SEZ6L: variants seen among roughly 807,000 people sequenced by gnomAD.
The protein encoded by SEZ6L is seizure related 6 homolog like.
In SEZ6L, 37 loss-of-function variants were observed where a neutral mutation model predicts 106.2. The observed-to-expected ratio is 0.35, with a 90% CI of 0.27 to 0.46. The LOEUF (loss-of-function observed/expected upper bound fraction) is 0.46. Among genes scored for constraint, SEZ6L ranks in the 20% least tolerant of loss-of-function variants. The pLI is 1.00. For synonymous variants in SEZ6L, 541 were observed against 570.4 expected (o/e 0.95, Z 0.73); for missense variants, 1,172 against 1,332.8 (o/e 0.88, Z 1.88).
intron 11 of SEZ6L, among the ~76,000 whole-genome samples, chr22:26,349,482 TTG>T (rs146817852): frequency 6.6e-6 from 1 of 151,908 alleles, no homozygotes; most frequent in Non-Finnish European, 1.5e-5. Context: ...ATTGCTTCAA[TTG>T]TGTGTGTGTG....
At chr22:26,304,632 T>A (rs1238624828) in intron 5 of SEZ6L, among the ~76,000 whole-genome samples, 1 of 152,184 alleles carries the variant, frequency 6.6e-6, no homozygotes, top group Non-Finnish European at 1.5e-5. Flanking sequence ...TAGATGATTC[T>A]GGTAAGAAAT....
intron 9 of SEZ6L, among the ~76,000 whole-genome samples, chr22:26,325,928 C>A (rs2082291610): frequency 3.1e-5 from 1 of 32,510 alleles, no homozygotes; most frequent in Admixed American, 3.5e-4. Flanking sequence ...TCACACACAC[C>A]ACACACACAC....
At chr22:26,255,128 G>A (rs1489053085) in intron 1 of SEZ6L, among the ~76,000 whole-genome samples, 1 of 152,118 alleles carries the variant, frequency 6.6e-6, no homozygotes, top group Non-Finnish European at 1.5e-5. Flanking sequence ...AAATGTGTAG[G>A]TATTTGTTAC....
chr22:26,323,925 C>T lies in SEZ6L; in HGVS notation c.2015+10023C>T, dbSNP rs147074576. Among the ~76,000 whole-genome samples, 639 of 152,204 alleles carry T rather than the reference C, an allele frequency of 4.2e-3. 5 individuals carry two copies. The highest frequency in any genetic ancestry group is 0.015 in the African/African-American group (623 of 41,540). On this transcript the variant is annotated intron_variant, in intron 9 of 16. Coordinates refer to ENST00000248933, the MANE Select transcript of SEZ6L (RefSeq NM_021115.5). ...AGTACCCTATGCAATATCTACATCA[C>T]GTCAGTGTGACTACTCCTTTGTACA...
chr22:26,348,710 G>GAAAGGAAGGAAGAAAGGAAGGAA (rs1569473878), intron 11 of SEZ6L, among the ~76,000 whole-genome samples: 1 of 74,508 alleles, frequency 1.3e-5, no homozygotes, highest in African/African-American at 5.9e-5. Flanking sequence ...AAGAAGGCAA[G>GAAAGGAAGGAAGAAAGGAAGGAA]GGAGGGAAGG....
chr22:26,238,045 G>C (rs1180799172), intron 1 of SEZ6L, among the ~76,000 whole-genome samples: 1 of 152,200 alleles, frequency 6.6e-6, no homozygotes, highest in African/African-American at 2.4e-5. Flanking sequence ...TTCCCCGGGG[G>C]AGATGGAAGA....
At chr22:26,285,816 C>T (rs2080917041) in intron 1 of SEZ6L, among the ~76,000 whole-genome samples, 1 of 152,198 alleles carries the variant, frequency 6.6e-6, no homozygotes, top group African/African-American at 2.4e-5. Flanking sequence ...GTGATGTGCT[C>T]TGCTGTGGTT....
chr22:26,246,481 A>C (rs758425081), intron 1 of SEZ6L, among the ~76,000 whole-genome samples: 1 of 152,110 alleles, frequency 6.6e-6, no homozygotes, highest in Non-Finnish European at 1.5e-5. Context: ...GGTAGAAGCC[A>C]ACTCTCTCAT....
chr22:26,184,062 GT>G (rs1939600460), intron 1 of SEZ6L, among the ~76,000 whole-genome samples: 1 of 152,094 alleles, frequency 6.6e-6, no homozygotes, highest in Non-Finnish European at 1.5e-5. Flanking sequence ...CAGTGCCTTG[GT>G]TTTTATTTAT....
intron 1 of SEZ6L, among the ~76,000 whole-genome samples, chr22:26,211,511 T>G (rs941042516): frequency 1.3e-5 from 2 of 152,184 alleles, no homozygotes; most frequent in African/African-American, 4.8e-5. Context: ...CAACTGGAGC[T>G]GCAACAATAG....
intron 1 of SEZ6L, among the ~76,000 whole-genome samples, chr22:26,240,914 TG>T (rs2079106473): frequency 6.6e-6 from 1 of 152,128 alleles, no homozygotes; most frequent in Non-Finnish European, 1.5e-5. Context: ...CCTAGGAAGA[TG>T]GTGACATTTG....
chr22:26,233,765 C>A (rs5752286), intron 1 of SEZ6L, among the ~76,000 whole-genome samples: 1 of 152,198 alleles, frequency 6.6e-6, no homozygotes, highest in Non-Finnish European at 1.5e-5. Flanking sequence ...GTGACCCCTG[C>A]TATGCAGTGT....
chr22:26,214,858 G>A lies in SEZ6L; in HGVS notation c.94+45095G>A, dbSNP rs139037026. Among the ~76,000 whole-genome samples, 495 of 152,202 alleles carry A rather than the reference G, an allele frequency of 3.3e-3. 12 individuals carry two copies. The South Asian group carries it at 0.063, about 19-fold the overall frequency. On this transcript the variant is annotated intron_variant, in intron 1 of 16. Transcript: ENST00000248933. ...CTGGGTGGGTGGTGGGCATGGCATT[G>A]ATCAAACTTATAACACTGATGAATA...
At chr22:26,171,010 G>T (rs565494722) in intron 1 of SEZ6L, among the ~76,000 whole-genome samples, 1 of 152,276 alleles carries the variant, frequency 6.6e-6, no homozygotes, top group Non-Finnish European at 1.5e-5. Context: ...CAGCTCCATG[G>T]GCCCTGGCTC....
intron 10 of SEZ6L, among the ~76,000 whole-genome samples, chr22:26,344,863 T>C (rs1277621252): frequency 6.6e-6 from 1 of 152,192 alleles, no homozygotes; most frequent in Non-Finnish European, 1.5e-5. Flanking sequence ...ACAATGAGGC[T>C]TAGAGCAGTT....
At position 26,186,653 on chromosome 22, in the gene SEZ6L, G is replaced by A. The variant is rs1057437112; in HGVS notation, c.94+16890G>A. Among the ~76,000 whole-genome samples the A allele has an allele frequency of 5.9e-5, 9 of 152,292 alleles. No individual in the cohort carries two copies. The South Asian group carries it at 1.4e-3, about 25-fold the overall frequency. ...ATGAGGGACCTGATCAGATATGGAA[G>A]GTTATCAGATATCCAGAGCATAGGG... On this transcript the variant is annotated intron_variant, in intron 1 of 16. Transcript: ENST00000248933.
Position 26,239,068 on chromosome 22 carries a change from T to TA in SEZ6L, c.95-53332dup, listed in dbSNP as rs770948291. Among the ~76,000 whole-genome samples, 29 of 152,150 alleles carry TA rather than the reference T, an allele frequency of 1.9e-4. 1 individual carries two copies. In the South Asian group the frequency reaches 2.3e-3, roughly 12 times the overall value. On this transcript the variant is annotated intron_variant, in intron 1 of 16. Coordinates refer to ENST00000248933, the MANE Select transcript of SEZ6L (RefSeq NM_021115.5). ...CAAGACCCCATCTCTACAAAAAATTTAAAAAATTAGCAGGGCATGATGTCA... is the reference window on the plus strand; with the variant it reads ...CAAGACCCCATCTCTACAAAAAATTTAAAAAAATTAGCAGGGCATGATGTCA...
At chr22:26,300,637 C>A (rs1053629634) in intron 5 of SEZ6L, among the ~76,000 whole-genome samples, 7 of 152,168 alleles carry the variant, frequency 4.6e-5, no homozygotes, top group African/African-American at 1.2e-4. Context: ...GTCTTTATAG[C>A]AGCATGATTT....
chr22:26,211,781 G>A (rs1230704500), intron 1 of SEZ6L, among the ~76,000 whole-genome samples: 14 of 113,536 alleles, frequency 1.2e-4, no homozygotes, highest in Middle Eastern at 8.3e-3. Flanking sequence ...ACCAGCCTGG[G>A]CAACATAGCC....
Sources: gnomAD v4.1 joint callset for allele counts (sites outside exome capture counted in the v4.1 genomes callset) on GRCh38, gnomAD v4.1.1 for gene constraint, MANE v1.5 for transcripts, NCBI Gene and HGNC (gene_info 2026-07-23, HGNC 2026-07-21) for gene names.